NFASC: variants seen among roughly 807,000 people sequenced by gnomAD.
The protein encoded by NFASC is neurofascin homolog.
NFASC carries 43 observed loss-of-function variants against 147.5 expected under a neutral mutation model. The observed-to-expected ratio is 0.29, with a 90% CI of 0.23 to 0.38. NFASC has a LOEUF of 0.38. Among genes scored for constraint, NFASC ranks in the 10% least tolerant of loss-of-function variants. The pLI is 1.00. For synonymous variants in NFASC, 622 were observed against 665.5 expected, an observed-to-expected ratio of 0.93 and a Z score of 1.01; for missense variants, 1,320 against 1,689.0, an observed-to-expected ratio of 0.78 and a Z score of 3.83.
In NFASC at chr1:204,970,807, T is replaced by G. The variant is rs72751487; in HGVS notation, c.1135+60T>G. 9.4e-3 allele frequency: 15,042 copies of G among 1,603,958 alleles called. 94 individuals carry two copies. The highest frequency in any genetic ancestry group is 0.012 in the Non-Finnish European group (14,026 of 1,171,592). ...TCTCTCTGCTGTCAAAGGCTTCAGA[T>G]CCCCATCACTGTAGCCAGTGCTGGT... On this transcript the variant is annotated intron_variant, in intron 11 of 29. Coordinates refer to ENST00000339876, the MANE Select transcript of NFASC (RefSeq NM_001005388.3).
intron 3 of NFASC, among the ~76,000 whole-genome samples, chr1:204,945,516 T>A (rs1205228697): frequency 1.2e-4 from 9 of 76,696 alleles, no homozygotes; most frequent in Admixed American, 4.7e-4. Flanking sequence ...CCATAATAGC[T>A]GCCCCTGCCC....
rs549684675 is a variant in NFASC at position 204,944,262 on chromosome 1, G to C, written c.-54G>C. 1 of 1,597,048 alleles carries C rather than the reference G, an allele frequency of 6.3e-7. No individual in the cohort carries two copies. The highest frequency in any genetic ancestry group is 1.3e-5 in the African/African-American group (1 of 74,612). ...CCAGGAGGCCCAGTTAAAGCGGCTCGAGGTGACAAGACCCCGAGTGCTGGG... is the reference window on the plus strand; with the variant it reads ...CCAGGAGGCCCAGTTAAAGCGGCTCCAGGTGACAAGACCCCGAGTGCTGGG... On this transcript the variant is annotated 5_prime_UTR_variant, in exon 3 of 30. Coordinates refer to ENST00000339876, the MANE Select transcript of NFASC (RefSeq NM_001005388.3).
rs927607927 is a variant in NFASC, at chr1:204,915,097, G to A, written c.-199-5535G>A. 8.5e-5 allele frequency among the ~76,000 whole-genome samples: 13 copies of A among 152,220 alleles called. No individual in the cohort carries two copies. The East Asian group carries it at 2.5e-3, about 30-fold the overall frequency. ...GATCGAGACCATCCTTGCTAACATG[G>A]TGAAACCCCGTCTCTACTAAAAATA... On this transcript the variant is annotated intron_variant, in intron 1 of 29. Transcript: ENST00000339876.
intron 24 of NFASC, chr1:204,993,800 G>A (rs754760138): frequency 9.7e-6 from 5 of 517,550 alleles, no homozygotes; most frequent in Admixed American, 1.9e-5. Flanking sequence ...TGCTCTGTTG[G>A]TAAGCCCTAC....
At position 204,908,297 on chromosome 1, in the gene NFASC, A is replaced by G. The variant is rs145763179; in HGVS notation, c.-199-12335A>G. ...ATGCCTGGCCTGAGAATATATTTTTACAATATTTTCTTCCAGTTTGTATTA... is the reference window on the plus strand; with the variant it reads ...ATGCCTGGCCTGAGAATATATTTTTGCAATATTTTCTTCCAGTTTGTATTA... On this transcript the variant is annotated intron_variant, in intron 1 of 29. Transcript: ENST00000339876. Among the ~76,000 whole-genome samples the G allele has an allele frequency of 1.4e-3, 217 of 152,146 alleles. 2 individuals carry two copies. In the Middle Eastern group the frequency reaches 0.027, roughly 19 times the overall value.
intron 1 of NFASC, among the ~76,000 whole-genome samples, chr1:204,856,382 G>GGTTGTGTGT (rs1553378380): frequency 7.2e-6 from 1 of 139,692 alleles, no homozygotes; most frequent in African/African-American, 2.7e-5. Context: ...ATGCAGAACA[G>GGTTGTGTGT]GTGTGTGTGT....
chr1:204,839,334 A>C (rs1674609415), intron 1 of NFASC, among the ~76,000 whole-genome samples: 1 of 150,886 alleles, frequency 6.6e-6, no homozygotes, highest in South Asian at 2.1e-4. Context: ...GGTTGCTCCC[A>C]GTCTAAAGGG....
intron 28 of NFASC, chr1:205,009,974 C>G: frequency 2.3e-6 from 1 of 432,364 alleles, no homozygotes; most frequent in East Asian, 4.1e-5. Context: ...CCTTGACTCA[C>G]CACCCATCTG....
chr1:204,904,093 G>A (rs920224166), intron 1 of NFASC, among the ~76,000 whole-genome samples: 2 of 152,004 alleles, frequency 1.3e-5, no homozygotes, highest in East Asian at 1.9e-4. Context: ...CGAGTTTTTC[G>A]TGTGTGTGTT....
chr1:204,920,427 C>CTTTTT (rs11381518), intron 1 of NFASC, among the ~76,000 whole-genome samples: 3 of 119,598 alleles, frequency 2.5e-5, no homozygotes, highest in Non-Finnish European at 3.4e-5. Flanking sequence ...AGGATCTGTC[C>CTTTTT]TTTTTTTTTT....
In NFASC at chr1:204,974,160, G is replaced by C; in HGVS notation, c.1280-19G>C. On this transcript the variant is annotated intron_variant, in intron 12 of 29. Transcript: ENST00000339876. ...GAGTTTAGACTTGGCACTCGAGATT[G>C]CTTCTCTGGGAATTTCAGATGTGCC... 6.2e-7 allele frequency: 1 copy of C among 1,604,464 alleles called. No individual in the cohort carries two copies. The highest frequency in any genetic ancestry group is 1.3e-5 in the African/African-American group (1 of 74,746).
At chr1:204,970,854 G>T (rs1399028295) in intron 11 of NFASC, 107 bp downstream of exon 11, 1 of 1,424,598 alleles carries the variant, frequency 7.0e-7, no homozygotes, top group African/African-American at 1.4e-5. Flanking sequence ...TTCAGGAAGA[G>T]AGAAGCCCAC....
At chr1:204,860,286 GA>G (rs2076547438) in intron 1 of NFASC, among the ~76,000 whole-genome samples, 1 of 152,198 alleles carries the variant, frequency 6.6e-6, no homozygotes, top group African/African-American at 2.4e-5. Flanking sequence ...CCCTGCAGGG[GA>G]TCATTTTCCA....
intron 12 of NFASC, among the ~76,000 whole-genome samples, chr1:204,973,911 C>A (rs1222350913): frequency 1.3e-5 from 2 of 152,130 alleles, no homozygotes; most frequent in African/African-American, 2.4e-5. Context: ...TGTGATGGGG[C>A]AGCTATGGAA....
chr1:205,008,636 G>A (rs2096186398), intron 27 of NFASC: 1 of 152,496 alleles, frequency 6.6e-6, no homozygotes, highest in Non-Finnish European at 1.5e-5. Flanking sequence ...GGTCATCAAG[G>A]ACACCCTCAG....
At chr1:204,868,273 T>A (rs1479316265) in intron 1 of NFASC, among the ~76,000 whole-genome samples, 1 of 152,196 alleles carries the variant, frequency 6.6e-6, no homozygotes, top group East Asian at 1.9e-4. Context: ...ATTGCTGATC[T>A]CTTCTGGTGT....
chr1:204,938,177 C>A (rs1159093313), intron 2 of NFASC, among the ~76,000 whole-genome samples: 2 of 152,206 alleles, frequency 1.3e-5, no homozygotes, highest in African/African-American at 4.8e-5. Flanking sequence ...CTTGTGGAAT[C>A]AACACCACGG....
At position 204,973,434 on chromosome 1, in the gene NFASC, C is replaced by A. The variant is rs202163105; in HGVS notation, c.1279+15C>A. 6.2e-7 allele frequency: 1 copy of A among 1,613,890 alleles called. No individual in the cohort carries two copies. The highest frequency in any genetic ancestry group is 1.7e-5 in the Admixed American group (1 of 60,004). ...CAGTGTGCTGGGTGAGTGTGCCCTT[C>A]GCAGCCTGTTTCCCCCTCCTCTCCA... On this transcript the variant is annotated intron_variant, in intron 12 of 29. Transcript: ENST00000339876.
chr1:204,911,610 A>G (rs1276389390), intron 1 of NFASC, among the ~76,000 whole-genome samples: 1 of 152,110 alleles, frequency 6.6e-6, no homozygotes, highest in South Asian at 2.1e-4. Context: ...ATGTTGCACT[A>G]TCTATGTCTG....
Sources: allele counts gnomAD v4.1 joint callset (sites outside exome capture counted in the v4.1 genomes callset), GRCh38; gene constraint gnomAD v4.1.1; transcripts MANE v1.5; gene names NCBI Gene and HGNC (gene_info 2026-07-23, HGNC 2026-07-21).